The following GALNT1 variants were observed in gnomAD, a reference collection of about 807,000 sequenced individuals.
GALNT1 encodes the protein polypeptide N-acetylgalactosaminyltransferase 1, also known as GalNAc transferase 1.
GALNT1 carries 17 observed loss-of-function variants against 65.7 expected under a neutral mutation model. The ratio of observed to expected loss-of-function variants is 0.26; its 90% confidence interval spans 0.18 to 0.39. The LOEUF (loss-of-function observed/expected upper bound fraction) is 0.39, where lower values mean the gene tolerates loss of function less well. GALNT1 is among the 10% of genes least tolerant of loss of function. GALNT1 has a pLI of 1.00. For missense variants in GALNT1, 460 were observed against 672.8 expected (o/e 0.68, Z 3.50); for synonymous variants, 210 against 219.7 (o/e 0.96, Z 0.39).
chr18:35,654,029 T>C (rs2047344850), intron 1 of GALNT1, among the ~76,000 whole-genome samples: 1 of 152,204 alleles, frequency 6.6e-6, no homozygotes. Flanking sequence ...GAGAACTCTA[T>C]TAATTCTTGA....
intron 1 of GALNT1, among the ~76,000 whole-genome samples, chr18:35,617,054 AGTGACGG>A (rs1217148881): frequency 6.6e-6 from 1 of 152,110 alleles, no homozygotes; most frequent in Non-Finnish European, 1.5e-5. Flanking sequence ...TTTGAGCAGC[AGTGACGG>A]GTGAATGTAA....
chr18:35,602,023 G>A (rs1395305321), intron 1 of GALNT1, among the ~76,000 whole-genome samples: 1 of 152,174 alleles, frequency 6.6e-6, no homozygotes, highest in Admixed American at 6.5e-5. Context: ...CTTTCAGATT[G>A]AAGAACTCCC....
intron 1 of GALNT1, among the ~76,000 whole-genome samples, chr18:35,649,934 T>C (rs977655475): frequency 2.0e-5 from 3 of 152,222 alleles, no homozygotes; most frequent in African/African-American, 7.2e-5. Flanking sequence ...CCAATAATGT[T>C]GTCTGTTGTG....
chr18:35,629,188 C>G (rs1333687776), intron 1 of GALNT1, among the ~76,000 whole-genome samples: 1 of 152,222 alleles, frequency 6.6e-6, no homozygotes, highest in Admixed American at 6.5e-5. Flanking sequence ...CAAGGCAGGC[C>G]AACATTCAGA....
chr18:35,650,508 C>T (rs1316915700), intron 1 of GALNT1, among the ~76,000 whole-genome samples: 1 of 152,136 alleles, frequency 6.6e-6, no homozygotes, highest in Non-Finnish European at 1.5e-5. Flanking sequence ...GGAATTTCCT[C>T]GTCCTAATAA....
At chr18:35,697,269 A>G (rs2048074525) in intron 9 of GALNT1, among the ~76,000 whole-genome samples, 1 of 152,200 alleles carries the variant, frequency 6.6e-6, no homozygotes, top group African/African-American at 2.4e-5. Flanking sequence ...CCAATGAGAA[A>G]GGGTTCTTAT....
chr18:35,641,911 AAT>A (rs992623858), intron 1 of GALNT1, among the ~76,000 whole-genome samples: 81 of 152,250 alleles, frequency 5.3e-4, no homozygotes, highest in African/African-American at 1.8e-3. Context: ...GCTTAAAAAA[AAT>A]AATATTTTGT....
rs1414389807 is a variant in GALNT1, at chr18:35,711,650, G to A, written c.*1880G>A. ...TTTCAGGTTTTTGTACTCCAGCATA[G>A]CTTGGTCTTATTTCTTACTGTATGA... On this transcript the variant is annotated 3_prime_UTR_variant, in exon 12 of 12. Transcript: ENST00000269195. 6.6e-6 allele frequency: 1 copy of A among 152,148 alleles called. No homozygotes were observed. Among genetic ancestry groups the A allele is most frequent in the African/African-American group, 2.4e-5 (1 of 41,434 alleles). 9.4% of individuals were successfully genotyped at this position (152,148 alleles called of 1,614,324 possible).
chr18:35,674,982 C>CAAA (rs150477892), intron 3 of GALNT1, among the ~76,000 whole-genome samples: 10 of 30,322 alleles, frequency 3.3e-4, no homozygotes, highest in African/African-American at 5.9e-4. Context: ...GACTCCGTCT[C>CAAA]AAAAAAAAAA....
rs2047674933 is a variant in GALNT1, at chr18:35,674,202, C to T, written c.315-3389C>T. On this transcript the variant is annotated intron_variant, in intron 3 of 11. Transcript: ENST00000269195. Reference sequence around the variant, plus strand: ...GTGAATGTGAAGGCCTAAGACATTACTGTATACACTACTGTAGACTTTATC... The same window carrying T: ...GTGAATGTGAAGGCCTAAGACATTATTGTATACACTACTGTAGACTTTATC... Among the ~76,000 whole-genome samples, 4 of 152,176 alleles carry T rather than the reference C, an allele frequency of 2.6e-5. No homozygotes were observed. In the South Asian group the frequency reaches 8.3e-4, roughly 32 times the overall value.
intron 2 of GALNT1, 62 bp from the exon 3 acceptor site, chr18:35,663,566 A>G: frequency 6.7e-7 from 1 of 1,495,234 alleles, no homozygotes. Context: ...GTTATTAAAT[A>G]GAATCATGAA....
intron 1 of GALNT1, among the ~76,000 whole-genome samples, chr18:35,600,166 C>T (rs981953576): frequency 6.6e-6 from 1 of 152,076 alleles, no homozygotes; most frequent in Non-Finnish European, 1.5e-5. Context: ...GAATATTTTC[C>T]CATTTTTAAA....
At chr18:35,709,092 C>G (rs142857860) in intron 11 of GALNT1, among the ~76,000 whole-genome samples, 1 of 152,134 alleles carries the variant, frequency 6.6e-6, no homozygotes, top group African/African-American at 2.4e-5. Context: ...TCCCAACATT[C>G]TTATGATTTT....
At chr18:35,658,708 T>C (rs1457481650) in intron 2 of GALNT1, among the ~76,000 whole-genome samples, 2 of 149,438 alleles carry the variant, frequency 1.3e-5, no homozygotes, top group African/African-American at 4.9e-5. Context: ...TCAAAGTTTC[T>C]CTTTTTTTTT....
chr18:35,692,424 A>G (rs1466762262), intron 9 of GALNT1, 104 bp downstream of exon 9: 4 of 662,048 alleles, frequency 6.0e-6, no homozygotes, highest in Admixed American at 3.6e-5. Context: ...AAGTACCTTC[A>G]TGTTAACATT....
intron 3 of GALNT1, among the ~76,000 whole-genome samples, chr18:35,664,910 G>C (rs1405628864): frequency 6.6e-6 from 1 of 152,244 alleles, no homozygotes; most frequent in Non-Finnish European, 1.5e-5. Flanking sequence ...AGAAGGGTAA[G>C]TACCTAGTGT....
At chr18:35,671,472 TA>T (rs2047635293) in intron 3 of GALNT1, among the ~76,000 whole-genome samples, 1 of 152,250 alleles carries the variant, frequency 6.6e-6, no homozygotes, top group African/African-American at 2.4e-5. Context: ...TGGTTTTTAA[TA>T]GATGACTTTT....
At chr18:35,629,035 T>C (rs1372969767) in intron 1 of GALNT1, among the ~76,000 whole-genome samples, 1 of 151,992 alleles carries the variant, frequency 6.6e-6, no homozygotes, top group African/African-American at 2.4e-5. Flanking sequence ...TAAAAAGAAA[T>C]GAACAAAGCC....
chr18:35,610,166 G>A (rs1384288430), intron 1 of GALNT1, among the ~76,000 whole-genome samples: 1 of 152,170 alleles, frequency 6.6e-6, no homozygotes, highest in African/African-American at 2.4e-5. Flanking sequence ...GCTGGGAGTG[G>A]TTGGATGTGA....
Sources: allele counts gnomAD v4.1 joint callset (sites outside exome capture counted in the v4.1 genomes callset), GRCh38; gene constraint gnomAD v4.1.1; transcripts MANE v1.5; gene names NCBI Gene and HGNC (gene_info 2026-07-23, HGNC 2026-07-21).